The following CTNNA3 variants were observed in gnomAD, a reference collection of about 807,000 sequenced individuals.
The protein encoded by CTNNA3 is catenin alpha-3.
A neutral mutation model predicts 95.7 loss-of-function variants in CTNNA3; 76 were observed. The observed-to-expected ratio is 0.79, with a 90% CI of 0.66 to 0.96. CTNNA3 has a LOEUF of 0.96. Among genes scored for constraint, CTNNA3 ranks in the 40% least tolerant of loss-of-function variants. The pLI is 0.00. For synonymous variants in CTNNA3, 431 were observed against 374.4 expected, an observed-to-expected ratio of 1.15 and a Z score of -1.74; for missense variants, 1,191 against 1,089.8, an observed-to-expected ratio of 1.09 and a Z score of -1.31.
chr10:66,721,176 C>T (rs370857370), intron 9 of CTNNA3, among the ~76,000 whole-genome samples: 13 of 152,048 alleles, frequency 8.5e-5, no homozygotes, highest in South Asian at 4.1e-4. Flanking sequence ...GATTTCCTCA[C>T]GGAAAGAGAC....
chr10:67,461,796 G>A (rs1308142218), intron 5 of CTNNA3, among the ~76,000 whole-genome samples: 1 of 152,070 alleles, frequency 6.6e-6, no homozygotes, highest in African/African-American at 2.4e-5. Flanking sequence ...AAAACATCAT[G>A]TATGTTTCAT....
chr10:67,385,947 C>G (rs1179556765), intron 5 of CTNNA3, among the ~76,000 whole-genome samples: 1 of 152,056 alleles, frequency 6.6e-6, no homozygotes, highest in Non-Finnish European at 1.5e-5. Flanking sequence ...ATGTGACCTC[C>G]TGGTCACATA....
chr10:66,164,778 A>G (rs2085038192), intron 13 of CTNNA3, among the ~76,000 whole-genome samples: 1 of 152,202 alleles, frequency 6.6e-6, no homozygotes, highest in Non-Finnish European at 1.5e-5. Context: ...AATAATATCA[A>G]TTGATCAAAT....
chr10:66,220,567 T>A (rs1368827605), intron 13 of CTNNA3, among the ~76,000 whole-genome samples: 3 of 152,222 alleles, frequency 2.0e-5, no homozygotes, highest in African/African-American at 7.2e-5. Context: ...CAGCTCATTG[T>A]GACAGCCCTC....
intron 7 of CTNNA3, among the ~76,000 whole-genome samples, chr10:67,040,139 T>C (rs1053412180): frequency 6.6e-6 from 1 of 152,164 alleles, no homozygotes; most frequent in Admixed American, 6.5e-5. Flanking sequence ...CCCCAACTTA[T>C]GCCAAAAATG....
Position 66,927,999 on chromosome 10 carries a change from T to C in CTNNA3, c.1048-152475A>G, listed in dbSNP as rs756313684. The C allele has an allele frequency of 2.2e-5, 35 of 1,614,078 alleles. No homozygotes were observed. Among genetic ancestry groups the C allele is most frequent in the Non-Finnish European group, 3.0e-5 (35 of 1,180,038 alleles). On this transcript the variant is annotated intron_variant, in intron 7 of 17. Transcript: ENST00000433211. The surrounding 1 kb of genome is among the most constrained non-coding windows in gnomAD (Gnocchi z 4.7). ...ATGCAGTGAAGAACTACAGCATCTG[T>C]GGCAAAAGTACTACAGAGAGGTTTG...
At chr10:66,727,615 A>C (rs1441060983) in intron 9 of CTNNA3, among the ~76,000 whole-genome samples, 1 of 152,100 alleles carries the variant, frequency 6.6e-6, no homozygotes, top group Admixed American at 6.6e-5. Context: ...TAAAAATTCA[A>C]CTGGTAGGAT....
At chr10:66,645,098 T>C (rs1845660099) in intron 9 of CTNNA3, among the ~76,000 whole-genome samples, 1 of 152,194 alleles carries the variant, frequency 6.6e-6, no homozygotes, top group South Asian at 2.1e-4. Flanking sequence ...TTCCTTTTTA[T>C]TGCTGAGTAG....
At chr10:66,825,119 C>T (rs1235365957) in intron 7 of CTNNA3, among the ~76,000 whole-genome samples, 3 of 150,532 alleles carry the variant, frequency 2.0e-5, no homozygotes, top group African/African-American at 7.3e-5. Flanking sequence ...TACAAATGGC[C>T]ACATATTAAA....
chr10:66,181,220 G>A (rs1333958332), intron 13 of CTNNA3, among the ~76,000 whole-genome samples: 5 of 152,020 alleles, frequency 3.3e-5, no homozygotes, highest in Non-Finnish European at 7.4e-5. Context: ...ACTTATTTAT[G>A]TTTTCTCCTC....
At chr10:66,186,165 T>A (rs960000918) in intron 13 of CTNNA3, among the ~76,000 whole-genome samples, 1 of 152,130 alleles carries the variant, frequency 6.6e-6, no homozygotes, top group East Asian at 1.9e-4. Context: ...TTTGAGGCAA[T>A]GGATATGCTA....
intron 12 of CTNNA3, among the ~76,000 whole-genome samples, chr10:66,285,308 T>A (rs1564839235): frequency 6.6e-6 from 1 of 151,944 alleles, no homozygotes; most frequent in South Asian, 2.1e-4. Context: ...GTTTTCTACA[T>A]ATGAAACGCT....
At chr10:65,963,592 T>C (rs1039332287) in intron 17 of CTNNA3, among the ~76,000 whole-genome samples, 2 of 152,220 alleles carry the variant, frequency 1.3e-5, no homozygotes, top group Admixed American at 6.5e-5. Context: ...GAATCTTTTT[T>C]GTATATTCAG....
chr10:67,639,686 G>A (rs1057266722), intron 2 of CTNNA3, among the ~76,000 whole-genome samples: 5 of 152,096 alleles, frequency 3.3e-5, no homozygotes, highest in African/African-American at 1.2e-4. Context: ...TCCCTGGGAT[G>A]CAAGGCTGGT....
upstream of CTNNA3, among the ~76,000 whole-genome samples, chr10:67,696,852 A>G (rs1840973755): frequency 6.6e-6 from 1 of 152,090 alleles, no homozygotes; most frequent in African/African-American, 2.4e-5. Flanking sequence ...CATTTCATCA[A>G]TTCCTTGACA....
chr10:66,084,217 C>T (rs1362219329), intron 14 of CTNNA3, among the ~76,000 whole-genome samples: 2 of 150,414 alleles, frequency 1.3e-5, no homozygotes, highest in Admixed American at 6.6e-5. Flanking sequence ...GCAGAAGAGA[C>T]CAAACTTTCA....
intron 3 of CTNNA3, among the ~76,000 whole-genome samples, chr10:67,562,705 A>G (rs937127245): frequency 2.6e-5 from 4 of 152,214 alleles, no homozygotes; most frequent in Admixed American, 1.3e-4. Context: ...AACTGTCCCT[A>G]TTTGCAGATA....
intron 1 of CTNNA3, among the ~76,000 whole-genome samples, chr10:67,701,597 G>C (rs1039910062): frequency 6.6e-6 from 1 of 152,170 alleles, no homozygotes; most frequent in Non-Finnish European, 1.5e-5. Context: ...TCACCAACAG[G>C]CCTGCCCTAA....
At chr10:66,068,818 T>C (rs1054104553) in intron 15 of CTNNA3, among the ~76,000 whole-genome samples, 1 of 152,232 alleles carries the variant, frequency 6.6e-6, no homozygotes, top group Admixed American at 6.5e-5. Flanking sequence ...TTCTGCAATA[T>C]GCCCACAATG....
Sources: allele counts gnomAD v4.1 joint callset (sites outside exome capture counted in the v4.1 genomes callset), GRCh38; gene constraint gnomAD v4.1.1; non-coding constraint Gnocchi (gnomAD v3.1); transcripts MANE v1.5; gene names NCBI Gene and HGNC (gene_info 2026-07-23, HGNC 2026-07-21).